Variants in ZNF131 observed in about 807,000 individuals in gnomAD.
ZNF131 encodes the protein zinc finger and BTB domain containing 35.
Under a neutral mutation model 60.0 loss-of-function variants are expected in ZNF131, and 7 were observed. The ratio of observed to expected loss-of-function variants is 0.12; its 90% CI spans 0.07 to 0.22. The LOEUF (loss-of-function observed/expected upper bound fraction) is 0.22, where lower values mean the gene tolerates loss of function less well. Ranked by LOEUF, ZNF131 falls within the 10% of genes least tolerant of loss-of-function variation. The probability of loss-of-function intolerance (pLI) is 1.00; values close to 1 mark genes in which losing one functional copy is unlikely to be tolerated. For missense variants in ZNF131, 493 were observed against 740.9 expected, an observed-to-expected ratio of 0.67 and a Z score of 3.88; for synonymous variants, 257 against 253.2, an observed-to-expected ratio of 1.01 and a Z score of -0.14.
chr5:43,149,584 T>C (rs895807830), intron 4 of ZNF131, among the ~76,000 whole-genome samples: 5 of 152,232 alleles, frequency 3.3e-5, no homozygotes, highest in Non-Finnish European at 5.9e-5. Flanking sequence ...GTATGGTAAG[T>C]ATATGTTTAA....
chr5:43,169,837 C>T (rs1214373574), intron 5 of ZNF131, among the ~76,000 whole-genome samples: 2 of 151,616 alleles, frequency 1.3e-5, no homozygotes, highest in Non-Finnish European at 2.9e-5. Context: ...ATCACCCAGA[C>T]TGGAGTGCAA....
chr5:43,127,087 A>G (rs1579708425), intron 3 of ZNF131, among the ~76,000 whole-genome samples: 2 of 152,064 alleles, frequency 1.3e-5, no homozygotes, highest in South Asian at 4.1e-4. Flanking sequence ...GAGTCCTTGT[A>G]TATTTGCTTT....
intron 4 of ZNF131, among the ~76,000 whole-genome samples, chr5:43,142,053 A>G (rs1201098539): frequency 2.0e-5 from 3 of 151,558 alleles, no homozygotes; most frequent in African/African-American, 7.3e-5. Context: ...TAAAAATTAG[A>G]TTTTTGGCCT....
In ZNF131 at chr5:43,143,724, A is replaced by AG. The variant is rs1359353895; in HGVS notation, c.371+4418dup. On this transcript the variant is annotated intron_variant, in intron 4 of 6. Coordinates refer to ENST00000682664, the MANE Select transcript of ZNF131 (RefSeq NM_001330707.2). Reference sequence around the variant, plus strand: ...ACATTTTTGTTGGGGAGCTCTTTATAGGGTACACCATCAGTGTCCCATCAA... The same window carrying AG: ...ACATTTTTGTTGGGGAGCTCTTTATAGGGGTACACCATCAGTGTCCCATCAA... Among the ~76,000 whole-genome samples the AG allele has an allele frequency of 2.4e-4, 37 of 152,146 alleles. No individual in the cohort carries two copies. The East Asian group carries it at 7.2e-3, about 29-fold the overall frequency.
At chr5:43,173,167 A>T (rs1751210635) in intron 5 of ZNF131, 151 bp from the exon 6 acceptor site, 1 of 799,886 alleles carries the variant, frequency 1.3e-6, no homozygotes, top group Admixed American at 3.2e-5. Flanking sequence ...AGTCTTTGGA[A>T]TATGGTGAAA....
intron 2 of ZNF131, among the ~76,000 whole-genome samples, chr5:43,122,596 A>C (rs957251828): frequency 2.6e-5 from 4 of 152,112 alleles, no homozygotes; most frequent in South Asian, 2.1e-4. Context: ...GAGAGATTCC[A>C]TTGCAGCACT....
At chr5:43,152,995 C>A (rs186025971) in intron 4 of ZNF131, among the ~76,000 whole-genome samples, 1 of 152,268 alleles carries the variant, frequency 6.6e-6, no homozygotes, top group East Asian at 1.9e-4. Flanking sequence ...TGTCATTCCT[C>A]CTTCACCTCT....
intron 4 of ZNF131, among the ~76,000 whole-genome samples, chr5:43,142,452 C>CGTG (rs1190409562): frequency 6.6e-6 from 1 of 150,604 alleles, no homozygotes; most frequent in Non-Finnish European, 1.5e-5. Flanking sequence ...TACAGGCTTC[C>CGTG]GCCACCACAC....
At chr5:43,135,831 C>T (rs114266451) in intron 3 of ZNF131, among the ~76,000 whole-genome samples, 303 of 151,318 alleles carry the variant, frequency 2.0e-3, no homozygotes, top group African/African-American at 7.0e-3. Flanking sequence ...AAAATCTGAA[C>T]TGCTTGCCAG....
intron 3 of ZNF131, chr5:43,124,247 T>G (rs182052180): frequency 6.6e-6 from 1 of 152,336 alleles, no homozygotes; most frequent in African/African-American, 2.4e-5. Flanking sequence ...CTTCTGCTAC[T>G]GCAGTAACTC....
At chr5:43,167,232 A>C (rs1238597406) in intron 5 of ZNF131, among the ~76,000 whole-genome samples, 1 of 152,170 alleles carries the variant, frequency 6.6e-6, no homozygotes, top group African/African-American at 2.4e-5. Flanking sequence ...TAAAAATTTA[A>C]ATTTAAATTT....
At chr5:43,150,721 G>A (rs1748196474) in intron 4 of ZNF131, among the ~76,000 whole-genome samples, 1 of 152,148 alleles carries the variant, frequency 6.6e-6, no homozygotes, top group Non-Finnish European at 1.5e-5. Flanking sequence ...AGGCTGCAGT[G>A]AACTGAGATC....
At chr5:43,139,726 A>G (rs1439714662) in intron 4 of ZNF131, among the ~76,000 whole-genome samples, 1 of 152,218 alleles carries the variant, frequency 6.6e-6, no homozygotes, top group Non-Finnish European at 1.5e-5. Context: ...GGAGATAATC[A>G]TTTCAAGTTA....
At chr5:43,122,251 T>A in intron 2 of ZNF131, 74 bp downstream of exon 2, 1 of 1,272,146 alleles carries the variant, frequency 7.9e-7, no homozygotes, top group East Asian at 2.6e-5. Flanking sequence ...CCCGCCTTTT[T>A]TTTTTTTTTT....
chr5:43,145,490 TA>T (rs1747466619), intron 4 of ZNF131, among the ~76,000 whole-genome samples: 1 of 152,092 alleles, frequency 6.6e-6, no homozygotes, highest in Admixed American at 6.6e-5. Context: ...TCGTCTTTAC[TA>T]AAAATACAAA....
At chr5:43,173,194 T>C (rs555014593) in intron 5 of ZNF131, 124 bp from the exon 6 acceptor site, 1 of 1,025,260 alleles carries the variant, frequency 9.8e-7, no homozygotes. Flanking sequence ...GAATTCTGAA[T>C]TGTGATTTCT....
chr5:43,135,438 CTG>C (rs1745953004), intron 3 of ZNF131, among the ~76,000 whole-genome samples: 1 of 152,074 alleles, frequency 6.6e-6, no homozygotes, highest in Non-Finnish European at 1.5e-5. Flanking sequence ...ACATGCAATA[CTG>C]AGAACCATAA....
At chr5:43,169,884 G>C (rs1750773479) in intron 5 of ZNF131, among the ~76,000 whole-genome samples, 1 of 151,474 alleles carries the variant, frequency 6.6e-6, no homozygotes, top group African/African-American at 2.4e-5. Flanking sequence ...TCCGTCTTCT[G>C]GTTTCAAGCA....
At chr5:43,123,411 G>C in intron 3 of ZNF131, 101 bp downstream of exon 3, 2 of 952,644 alleles carry the variant, frequency 2.1e-6, no homozygotes, top group South Asian at 3.4e-5. Flanking sequence ...TGGTGAAGCA[G>C]TTTTAGACAG....
Sources: gnomAD v4.1 joint callset for allele counts (sites outside exome capture counted in the v4.1 genomes callset) on GRCh38, gnomAD v4.1.1 for gene constraint, MANE v1.5 for transcripts, NCBI Gene and HGNC (gene_info 2026-07-23, HGNC 2026-07-21) for gene names.